The following MIER1 variants were observed in gnomAD, a reference collection of about 807,000 sequenced individuals.
MIER1 encodes mesoderm induction early response protein 1.
In MIER1, 40 loss-of-function variants were observed where a neutral mutation model predicts 75.7. The ratio of observed to expected loss-of-function variants is 0.53; its 90% CI spans 0.41 to 0.69. The LOEUF is 0.69. MIER1 is among the 30% of genes least tolerant of loss of function. The probability of loss-of-function intolerance (pLI) is 0.00; values close to 1 mark genes in which losing one functional copy is unlikely to be tolerated. For synonymous variants in MIER1, 213 were observed against 223.4 expected (o/e 0.95, Z 0.42); for missense variants, 574 against 680.2 (o/e 0.84, Z 1.74).
In MIER1 at chr1:66,958,094, T is replaced by C; in HGVS notation, c.375T>C (p.Leu125=). ...TGCCAATTCATGAACTTCTCAGCCT[T>C]TATGGTTATGGTAGTACTGTTCGAC... is the stretch of plus-strand genomic sequence containing the variant. ...GDMPIHELLS[L]YGYGSTVRLP... The change falls in exon 5 of 14, where the codon CTT becomes CTC. Residue 125 remains leucine (L), a synonymous_variant. Transcript: ENST00000401041. 6.2e-7 allele frequency: 1 copy of C among 1,609,214 alleles called. No individual in the cohort carries two copies. Among genetic ancestry groups the C allele is most frequent in the Non-Finnish European group, 8.5e-7 (1 of 1,177,294 alleles).
At chr1:66,975,252 T>C (rs1233555750) in intron 11 of MIER1, among the ~76,000 whole-genome samples, 1 of 152,190 alleles carries the variant, frequency 6.6e-6, no homozygotes, top group East Asian at 1.9e-4. Flanking sequence ...GTATTGCCGG[T>C]GCAGTGGCTC....
At chr1:66,930,226 G>A in intron 2 of MIER1, 3 of 1,430,048 alleles carry the variant, frequency 2.1e-6, no homozygotes, top group Non-Finnish European at 2.7e-6. Flanking sequence ...GGAGTGGGGT[G>A]TGGTGGGCGC....
At chr1:66,941,426 G>A (rs577064080) in intron 3 of MIER1, among the ~76,000 whole-genome samples, 7 of 151,522 alleles carry the variant, frequency 4.6e-5, no homozygotes, top group East Asian at 3.9e-4. Flanking sequence ...AATTATTTCC[G>A]ATTTTTTTTT....
At chr1:66,932,713 T>G (rs570917318) in intron 2 of MIER1, 1 of 152,258 alleles carries the variant, frequency 6.6e-6, no homozygotes, top group African/African-American at 2.4e-5. Context: ...TCTGAGGATT[T>G]AAGGATAGCT....
At position 66,987,894 on chromosome 1, in the gene MIER1, CTT is replaced by C. The variant is rs1666981122; in HGVS notation, c.*2996_*2997del. On this transcript the variant is annotated 3_prime_UTR_variant, in exon 14 of 14. Coordinates refer to ENST00000401041, the MANE Select transcript of MIER1 (RefSeq NM_001077700.3). ...TTCTTCCCCTTTGCCACAAGAGATC[CTT>C]TCAGTCCCTAGACCTCCATTCACTC... 2 of 151,874 alleles carry C rather than the reference CTT, an allele frequency of 1.3e-5. No individual in the cohort carries two copies. Among genetic ancestry groups the C allele is most frequent in the African/African-American group, 4.9e-5 (2 of 41,048 alleles). The allele number at this position is 151,874 out of a possible 1,614,324, so 9.4% of individuals were successfully genotyped here. A position where few individuals can be genotyped will look rare whatever the true frequency, so the allele number is the denominator to read the frequency against.
At chr1:66,974,675 C>T (rs550427285) in intron 11 of MIER1, among the ~76,000 whole-genome samples, 1 of 152,092 alleles carries the variant, frequency 6.6e-6, no homozygotes, top group South Asian at 2.1e-4. Flanking sequence ...ATATTTGGGA[C>T]AGTGGCATTT....
intron 4 of MIER1, among the ~76,000 whole-genome samples, chr1:66,955,601 G>A (rs1659961714): frequency 6.6e-6 from 1 of 152,032 alleles, no homozygotes; most frequent in African/African-American, 2.4e-5. Flanking sequence ...GTAATTAGCT[G>A]TGTGGTTTCA....
chr1:66,966,940 A>G lies in MIER1; in HGVS notation c.772+3780A>G, dbSNP rs557878679. On this transcript the variant is annotated intron_variant, in intron 8 of 13. Coordinates refer to ENST00000401041, the MANE Select transcript of MIER1 (RefSeq NM_001077700.3). Reference sequence around the variant, plus strand: ...GCCTTCTAAGATGGGTAGTTTGCAAATATTTTCTCCCATTCTGTAGGTTGT... The same window carrying G: ...GCCTTCTAAGATGGGTAGTTTGCAAGTATTTTCTCCCATTCTGTAGGTTGT... 3.3e-5 allele frequency among the ~76,000 whole-genome samples: 5 copies of G among 152,228 alleles called. No homozygotes were observed. The South Asian group carries it at 8.3e-4, about 25-fold the overall frequency.
At position 66,985,718 on chromosome 1, in the gene MIER1, T is replaced by C; in HGVS notation, c.*818T>C. The C allele has an allele frequency of 1.5e-5, 15 of 984,706 alleles. No individual in the cohort carries two copies. The highest frequency in any genetic ancestry group is 1.8e-5 in the Non-Finnish European group (15 of 829,232). 61.0% of individuals were successfully genotyped at this position (984,706 alleles called of 1,614,324 possible). On this transcript the variant is annotated 3_prime_UTR_variant, in exon 14 of 14. Coordinates refer to ENST00000401041, the MANE Select transcript of MIER1 (RefSeq NM_001077700.3). Reference sequence around the variant, plus strand: ...TGAGTCTGTCAGCTTTCATTTTATTTTGCTAAGGTTTTTCTAATGAATTTT... The same window carrying C: ...TGAGTCTGTCAGCTTTCATTTTATTCTGCTAAGGTTTTTCTAATGAATTTT...
chr1:66,955,074 A>G (rs1035881883), intron 4 of MIER1, among the ~76,000 whole-genome samples: 1 of 152,156 alleles, frequency 6.6e-6, no homozygotes, highest in African/African-American at 2.4e-5. Context: ...GAAAAACCTT[A>G]ATCTATGATT....
Position 66,976,814 on chromosome 1 carries a change from C to T in MIER1, c.1229+92C>T, listed in dbSNP as rs2101975256. 4.6e-6 allele frequency: 5 copies of T among 1,098,408 alleles called. No homozygotes were observed. The Admixed American group carries it at 1.2e-4, about 27-fold the overall frequency. 68.0% of individuals were successfully genotyped at this position (1,098,408 alleles called of 1,614,324 possible). A position where few individuals can be genotyped will look rare whatever the true frequency, so the allele number is the denominator to read the frequency against. On this transcript the variant is annotated intron_variant, in intron 12 of 13. Transcript: ENST00000401041. The stretch of plus-strand genomic sequence containing the variant: ...GTTAATTATTATTTTGATAATCTTG[C>T]TTTTATATACTTGATCTTAACCAGA...
chr1:66,925,333 G>A (rs1651311822), intron 1 of MIER1: 1 of 985,450 alleles, frequency 1.0e-6, no homozygotes, highest in Non-Finnish European at 1.2e-6. Flanking sequence ...TCCCAGCGCC[G>A]CCTTTTTGCC....
intron 7 of MIER1, among the ~76,000 whole-genome samples, chr1:66,962,522 AAC>A (rs1215599784): frequency 1.3e-5 from 2 of 152,124 alleles, no homozygotes; most frequent in Non-Finnish European, 2.9e-5. Flanking sequence ...TTGCATTTCT[AAC>A]AGTTTCCCAT....
intron 12 of MIER1, among the ~76,000 whole-genome samples, chr1:66,979,263 T>C (rs1454273160): frequency 2.0e-5 from 3 of 152,236 alleles, no homozygotes; most frequent in Admixed American, 2.0e-4. Flanking sequence ...CTCTTTCTGT[T>C]AATAGCTGCA....
chr1:66,944,746 G>C (rs1657088118), intron 3 of MIER1, among the ~76,000 whole-genome samples: 1 of 151,648 alleles, frequency 6.6e-6, no homozygotes, highest in Non-Finnish European at 1.5e-5. Context: ...ATTTTTTAAA[G>C]TCAGGGCCTT....
At chr1:66,948,880 C>T (rs764292445) in intron 4 of MIER1, among the ~76,000 whole-genome samples, 3 of 152,134 alleles carry the variant, frequency 2.0e-5, no homozygotes, top group African/African-American at 4.8e-5. Flanking sequence ...GCCTGGGTGA[C>T]AGAATAAAAA....
At position 66,947,792 on chromosome 1, in the gene MIER1, C is replaced by T. The variant is rs2985827; in HGVS notation, c.339+1497C>T. The T allele has an allele frequency of 2.3e-3, 747 of 323,284 alleles. 5 individuals carry two copies. The highest frequency in any genetic ancestry group is 0.016 in the African/African-American group (708 of 44,300). 20.0% of individuals were successfully genotyped at this position (323,284 alleles called of 1,614,324 possible). A position where few individuals can be genotyped will look rare whatever the true frequency, so the allele number is the denominator to read the frequency against. ...CCACCTGCATGATAATGGCCTCTTA[C>T]CCATGTATCACACTACCTCTGTTAT... On this transcript the variant is annotated intron_variant, in intron 4 of 13. Transcript: ENST00000401041.
chr1:66,955,343 T>TG (rs1321519985), intron 4 of MIER1, among the ~76,000 whole-genome samples: 1 of 137,256 alleles, frequency 7.3e-6, no homozygotes, highest in Non-Finnish European at 1.6e-5. Flanking sequence ...TGAGTTTTTT[T>TG]TTTTTTTTTT....
chr1:66,966,352 AAAG>A (rs1662400555), intron 8 of MIER1, among the ~76,000 whole-genome samples: 5 of 152,158 alleles, frequency 3.3e-5, no homozygotes, highest in Admixed American at 2.6e-4. Context: ...ATATCCCTAC[AAAG>A]GACATAAACT....
Sources: gnomAD v4.1 joint callset for allele counts (sites outside exome capture counted in the v4.1 genomes callset) on GRCh38, gnomAD v4.1.1 for gene constraint, MANE v1.5 for transcripts, NCBI Gene and HGNC (gene_info 2026-07-23, HGNC 2026-07-21) for gene names.